COL4A4: variants seen among roughly 807,000 people sequenced by gnomAD.
COL4A4 encodes the protein collagen alpha-4(IV) chain.
In COL4A4, 105 loss-of-function variants were observed where a neutral mutation model predicts 192.9. The ratio of observed to expected loss-of-function variants is 0.54; its 90% confidence interval spans 0.46 to 0.64. The LOEUF is 0.64. COL4A4 is among the 30% of genes least tolerant of loss of function. COL4A4 has a pLI of 0.00. For missense variants in COL4A4, 1,967 were observed against 2,169.3 expected, an observed-to-expected ratio of 0.91 and a Z score of 1.85; for synonymous variants, 762 against 769.9, an observed-to-expected ratio of 0.99 and a Z score of 0.17.
chr2:227,009,884 C>G (rs186913053), intron 46 of COL4A4, among the ~76,000 whole-genome samples: 1 of 152,236 alleles, frequency 6.6e-6, no homozygotes. Context: ...GGAGTTGATG[C>G]TGGCAAGTGC....
chr2:227,014,036 A>T (rs976213878), intron 44 of COL4A4, among the ~76,000 whole-genome samples: 1 of 152,174 alleles, frequency 6.6e-6, no homozygotes, highest in Non-Finnish European at 1.5e-5. Flanking sequence ...AGAATCGAAG[A>T]TTTCCCACGC....
the COL4A4 span, among the ~76,000 whole-genome samples, chr2:226,986,987 C>T: frequency 6.6e-6 from 1 of 152,184 alleles, no homozygotes; most frequent in Non-Finnish European, 1.5e-5. Flanking sequence ...CCATGGAATA[C>T]TATGCAGCCA....
chr2:227,090,809 C>A (rs1486527624), intron 20 of COL4A4, among the ~76,000 whole-genome samples: 3 of 149,158 alleles, frequency 2.0e-5, no homozygotes, highest in Non-Finnish European at 4.5e-5. Flanking sequence ...TAAGTATAAA[C>A]CCACAGGACA....
chr2:227,155,636 G>C (rs1163592685), intron 1 of COL4A4, among the ~76,000 whole-genome samples: 1 of 152,140 alleles, frequency 6.6e-6, no homozygotes, highest in African/African-American at 2.4e-5. Flanking sequence ...GTGAACTCCA[G>C]CGGTAATACT....
intron 7 of COL4A4, among the ~76,000 whole-genome samples, chr2:227,117,711 T>C (rs766993314): frequency 6.7e-6 from 1 of 150,066 alleles, no homozygotes; most frequent in African/African-American, 2.5e-5. Context: ...TTTATTTAAG[T>C]GAGAAAAAGA....
chr2:227,116,899 A>G (rs1489663781), intron 7 of COL4A4, among the ~76,000 whole-genome samples: 1 of 152,252 alleles, frequency 6.6e-6, no homozygotes, highest in Non-Finnish European at 1.5e-5. Flanking sequence ...ATCACAAGTT[A>G]CATGATGAGA....
chr2:227,077,389 G>A (rs1035008040), intron 25 of COL4A4, among the ~76,000 whole-genome samples: 1 of 152,150 alleles, frequency 6.6e-6, no homozygotes, highest in Non-Finnish European at 1.5e-5. Flanking sequence ...ACTAACACAG[G>A]AACAGAAAAC....
intron 4 of COL4A4, among the ~76,000 whole-genome samples, chr2:227,122,607 G>C (rs373174930): frequency 8.5e-5 from 13 of 152,272 alleles, no homozygotes; most frequent in African/African-American, 3.1e-4. Context: ...CCCTACTCTG[G>C]CAACCCAATG....
chr2:227,097,753 T>C (rs2060282551), intron 19 of COL4A4, among the ~76,000 whole-genome samples: 1 of 152,210 alleles, frequency 6.6e-6, no homozygotes, highest in Non-Finnish European at 1.5e-5. Flanking sequence ...CTTTTCCACC[T>C]TTGTGGTTAT....
intron 25 of COL4A4, among the ~76,000 whole-genome samples, chr2:227,065,298 G>A (rs895793706): frequency 2.6e-5 from 4 of 152,236 alleles, no homozygotes; most frequent in African/African-American, 9.6e-5. Context: ...AGCGAGGCTG[G>A]GGGAGGGGCG....
chr2:226,976,346 T>C, the COL4A4 span, among the ~76,000 whole-genome samples: 1 of 150,312 alleles, frequency 6.7e-6, no homozygotes, highest in East Asian at 1.9e-4. Flanking sequence ...GTCAGTGACT[T>C]CCCAAGTCCA....
At chr2:227,124,646 C>T (rs150301707) in intron 4 of COL4A4, among the ~76,000 whole-genome samples, 13 of 152,238 alleles carry the variant, frequency 8.5e-5, no homozygotes, top group Admixed American at 6.5e-4. Flanking sequence ...AGTGTAATTA[C>T]GTGAGCACAA....
At chr2:227,138,163 A>C (rs974368543) in intron 4 of COL4A4, among the ~76,000 whole-genome samples, 2 of 131,914 alleles carry the variant, frequency 1.5e-5, no homozygotes, top group African/African-American at 6.6e-5. Flanking sequence ...ATAATCAAAA[A>C]AATAATTAGC....
rs746621296 is a variant in COL4A4 at position 227,030,502 on chromosome 2, G to A, written c.3914C>T (p.Pro1305Leu). Reference sequence around the variant, plus strand: ...GCCTTTGTATCCTGGAGGGCCTGGTGGGCCAGGGGGACCTGGTGGCCCTGG... The same window carrying A: ...GCCTTTGTATCCTGGAGGGCCTGGTAGGCCAGGGGGACCTGGTGGCCCTGG... ...GLPGPPGPPG[P>L]PGPPGYKGFP... The change falls in exon 41 of 48, where the codon CCA becomes CTA. Residue 1305 changes from proline to leucine, a missense_variant. Physicochemically the swap from Pro to Leu is moderately conservative, Grantham distance 98. Coordinates refer to ENST00000396625, the MANE Select transcript of COL4A4 (RefSeq NM_000092.5). The A allele has an allele frequency of 5.7e-5, 92 of 1,613,884 alleles. No homozygotes were observed. The highest frequency in any genetic ancestry group is 4.0e-4 in the Admixed American group (24 of 60,002).
rs2060995763 is a variant in COL4A4 at position 227,108,616 on chromosome 2, G to A, written c.700C>T (p.Pro234Ser). The stretch of plus-strand genomic sequence containing the variant: ...ATTTGCCCCTTTACTCCCACACCGG[G>A]ATTTCCCTGAGAAAGAAATGAAAAA... ...QPGRPGLKGNPGVGVKGQMGD... is the reference protein window; with the variant it reads ...QPGRPGLKGNSGVGVKGQMGD... Residue 234 changes from proline to serine, a missense_variant, in exon 12 of 48, where the codon CCC becomes TCC. By Grantham distance (74) the Pro-to-Ser change is moderately conservative. Transcript: ENST00000396625. 1 of 1,613,876 alleles carries A rather than the reference G, an allele frequency of 6.2e-7. No homozygotes were observed. Among genetic ancestry groups the A allele is most frequent in the South Asian group, 1.1e-5 (1 of 91,064 alleles).
chr2:227,028,902 C>A (rs1322601137), intron 41 of COL4A4, among the ~76,000 whole-genome samples: 2 of 152,102 alleles, frequency 1.3e-5, no homozygotes, highest in Non-Finnish European at 2.9e-5. Flanking sequence ...TCCAGGGATC[C>A]TCACGCCTTG....
intron 20 of COL4A4, among the ~76,000 whole-genome samples, chr2:227,092,665 A>G (rs1248833035): frequency 6.6e-6 from 1 of 152,222 alleles, no homozygotes; most frequent in Non-Finnish European, 1.5e-5. Context: ...GACAATTGAC[A>G]AGATGTTCTG....
rs1330373104 is a variant in COL4A4 at position 227,147,547 on chromosome 2, G to A, written c.-64C>T. 1.4e-6 allele frequency: 2 copies of A among 1,429,268 alleles called. No homozygotes were observed. Among genetic ancestry groups the A allele is most frequent in the Non-Finnish European group, 2.0e-6 (2 of 1,016,766 alleles). The allele number at this position is 1,429,268 out of a possible 1,614,324, so 88.5% of individuals were successfully genotyped here. A position where few individuals can be genotyped will look rare whatever the true frequency, so the allele number is the denominator to read the frequency against. On this transcript the variant is annotated 5_prime_UTR_variant, in exon 2 of 48. Coordinates refer to ENST00000396625, the MANE Select transcript of COL4A4 (RefSeq NM_000092.5). ...TCTTCTCTTCCAGAAGGTTCTTGTT[G>A]ACAAGTGAGGTTCTGTGTTCTGGGT...
rs193005149 is a variant in COL4A4, at chr2:227,051,397, C to T, written c.2969-239G>A. 1.4e-4 allele frequency among the ~76,000 whole-genome samples: 22 copies of T among 152,268 alleles called. 1 individual carries two copies. In the East Asian group the frequency reaches 3.7e-3, roughly 25 times the overall value. ...AGGAGCACACAGGATTATTTGCCTC[C>T]GCTGCTTATTTTACAAATGAAGAAG... is the stretch of plus-strand genomic sequence containing the variant. On this transcript the variant is annotated intron_variant, in intron 32 of 47. Coordinates refer to ENST00000396625, the MANE Select transcript of COL4A4 (RefSeq NM_000092.5).
Sources: allele counts gnomAD v4.1 joint callset (sites outside exome capture counted in the v4.1 genomes callset), GRCh38; gene constraint gnomAD v4.1.1; transcripts MANE v1.5; gene names NCBI Gene and HGNC (gene_info 2026-07-23, HGNC 2026-07-21).